BTBD9: variants seen among roughly 807,000 people sequenced by gnomAD.
The protein encoded by BTBD9 is BTB domain containing 9, also known as BTB/POZ domain-containing protein 9.
Under a neutral mutation model 64.3 loss-of-function variants are expected in BTBD9, and 49 were observed. The ratio of observed to expected loss-of-function variants is 0.76; its 90% CI spans 0.61 to 0.97. The LOEUF (loss-of-function observed/expected upper bound fraction) is 0.97. Among genes scored for constraint, BTBD9 ranks in the 50% least tolerant of loss-of-function variants. The probability of loss-of-function intolerance (pLI) is 0.00; values close to 1 mark genes in which losing one functional copy is unlikely to be tolerated. For missense variants in BTBD9, 598 were observed against 762.1 expected (o/e 0.78, Z 2.53); for synonymous variants, 260 against 274.7 (o/e 0.95, Z 0.53).
At chr6:38,509,910 A>C (rs777847389) in intron 6 of BTBD9, among the ~76,000 whole-genome samples, 5 of 152,228 alleles carry the variant, frequency 3.3e-5, no homozygotes, top group Non-Finnish European at 7.3e-5. Flanking sequence ...ATATTTATCA[A>C]GTGTCTAAAG....
intron 6 of BTBD9, among the ~76,000 whole-genome samples, chr6:38,526,630 G>A (rs1773509745): frequency 6.6e-6 from 1 of 152,260 alleles, no homozygotes; most frequent in African/African-American, 2.4e-5. Context: ...GACTGTGGGA[G>A]TGCACCCCTT....
intron 6 of BTBD9, among the ~76,000 whole-genome samples, chr6:38,451,668 G>A (rs553956903): frequency 6.6e-6 from 1 of 152,260 alleles, no homozygotes; most frequent in African/African-American, 2.4e-5. Context: ...CAAGTGCCAT[G>A]TTTACTACTG....
chr6:38,547,968 T>C (rs1582614887), intron 6 of BTBD9, among the ~76,000 whole-genome samples: 1 of 152,208 alleles, frequency 6.6e-6, no homozygotes, highest in African/African-American at 2.4e-5. Flanking sequence ...TTCTTTTCCA[T>C]TGTGAAAATT....
intron 9 of BTBD9, among the ~76,000 whole-genome samples, chr6:38,199,197 T>C (rs958542387): frequency 6.6e-6 from 1 of 152,132 alleles, no homozygotes; most frequent in Non-Finnish European, 1.5e-5. Flanking sequence ...TAGAATCCTG[T>C]AGCAGCTGAG....
intron 9 of BTBD9, among the ~76,000 whole-genome samples, chr6:38,218,383 TA>T (rs944767186): frequency 9.2e-5 from 14 of 152,342 alleles, no homozygotes; most frequent in African/African-American, 3.4e-4. Context: ...GTTCCTGTTG[TA>T]ACCTTTCCAA....
intron 6 of BTBD9, among the ~76,000 whole-genome samples, chr6:38,433,577 T>G (rs1768552624): frequency 6.6e-6 from 1 of 151,762 alleles, no homozygotes; most frequent in African/African-American, 2.4e-5. Flanking sequence ...GACTGTAATT[T>G]TCCACTACCC....
Position 38,174,798 on chromosome 6 carries a change from G to A in BTBD9, c.*187C>T. The A allele has an allele frequency of 1.5e-6, 1 of 668,956 alleles. No individual in the cohort carries two copies. The highest frequency in any genetic ancestry group is 2.5e-6 in the Non-Finnish European group (1 of 398,596). The allele number at this position is 668,956 out of a possible 1,614,324, so 41.4% of individuals were successfully genotyped here. On this transcript the variant is annotated 3_prime_UTR_variant, in exon 11 of 11. Coordinates refer to ENST00000481247, the MANE Select transcript of BTBD9 (RefSeq NM_001099272.2). The stretch of plus-strand genomic sequence containing the variant: ...GACCTGCCTGATTTGGATAAATTGA[G>A]AAGAACAAAGCAGCCCCTTTCTGTC...
At chr6:38,420,472 C>T (rs1438177719) in intron 6 of BTBD9, among the ~76,000 whole-genome samples, 2 of 152,152 alleles carry the variant, frequency 1.3e-5, no homozygotes, top group East Asian at 1.9e-4. Context: ...AATCCATATC[C>T]AACAGTAGGA....
At chr6:38,401,066 T>C (rs9470870) in intron 6 of BTBD9, among the ~76,000 whole-genome samples, 7,214 of 152,230 alleles carry the variant, frequency 0.047, 551 homozygotes, top group African/African-American at 0.16. Context: ...TGTATCACAA[T>C]TGGTATTTGA....
intron 6 of BTBD9, among the ~76,000 whole-genome samples, chr6:38,405,651 C>T (rs945716037): frequency 2.0e-5 from 3 of 151,382 alleles, no homozygotes; most frequent in African/African-American, 7.3e-5. Flanking sequence ...ATTCTCAGTG[C>T]AAATGATATA....
intron 6 of BTBD9, among the ~76,000 whole-genome samples, chr6:38,357,026 C>A (rs532325324): frequency 1.6e-4 from 24 of 152,244 alleles, no homozygotes; most frequent in African/African-American, 5.5e-4. Flanking sequence ...TATGGTATGA[C>A]CTTTCTCAAT....
At chr6:38,294,218 T>C (rs1042982467) in intron 7 of BTBD9, among the ~76,000 whole-genome samples, 24 of 152,184 alleles carry the variant, frequency 1.6e-4, no homozygotes, top group Admixed American at 1.3e-3. Context: ...ACACTGTTGG[T>C]GGGACTGTAA....
At chr6:38,443,488 T>C (rs888728047) in intron 6 of BTBD9, among the ~76,000 whole-genome samples, 3 of 152,188 alleles carry the variant, frequency 2.0e-5, no homozygotes, top group African/African-American at 7.2e-5. Flanking sequence ...TATTTCCCAA[T>C]TTCCCACTAT....
intron 9 of BTBD9, among the ~76,000 whole-genome samples, chr6:38,221,015 G>T (rs1359786819): frequency 5.9e-5 from 9 of 152,164 alleles, no homozygotes; most frequent in Non-Finnish European, 1.3e-4. Context: ...CTCAACCAGG[G>T]TTACGAGCAG....
At chr6:38,589,025 T>C (rs1776675247) in intron 4 of BTBD9, among the ~76,000 whole-genome samples, 1 of 152,208 alleles carries the variant, frequency 6.6e-6, no homozygotes, top group African/African-American at 2.4e-5. Flanking sequence ...ATTTTATTAT[T>C]CACATGCTTT....
At chr6:38,306,627 C>A (rs903070108) in intron 7 of BTBD9, among the ~76,000 whole-genome samples, 1 of 152,150 alleles carries the variant, frequency 6.6e-6, no homozygotes, top group African/African-American at 2.4e-5. Flanking sequence ...CCAGGGGTGG[C>A]CAACGACTTG....
rs189503253 is a variant in BTBD9, at chr6:38,239,522, A to G, written c.1562+16887T>C. On this transcript the variant is annotated intron_variant, in intron 9 of 10. Coordinates refer to ENST00000481247, the MANE Select transcript of BTBD9 (RefSeq NM_001099272.2). ...TGAGACATGGCAGTTTTATCACCCA[A>G]GCTACTGGGCTAAGCTTCAGGATAC... 2.1e-3 allele frequency among the ~76,000 whole-genome samples: 316 copies of G among 152,172 alleles called. 3 individuals are homozygous for G. The highest frequency in any genetic ancestry group is 3.1e-3 in the Non-Finnish European group (210 of 68,012).
intron 6 of BTBD9, among the ~76,000 whole-genome samples, chr6:38,488,158 T>C (rs1250980970): frequency 3.9e-5 from 6 of 152,020 alleles, no homozygotes; most frequent in Admixed American, 3.9e-4. Flanking sequence ...TGTCTTGCTG[T>C]GTTGCTGGTC....
chr6:38,361,821 C>G (rs756073802), intron 6 of BTBD9, among the ~76,000 whole-genome samples: 17 of 146,320 alleles, frequency 1.2e-4, no homozygotes, highest in Non-Finnish European at 2.4e-4. Context: ...GCCTGGGCAA[C>G]AAGAGTGAAA....
Sources: allele counts gnomAD v4.1 joint callset (sites outside exome capture counted in the v4.1 genomes callset), GRCh38; gene constraint gnomAD v4.1.1; transcripts MANE v1.5; gene names NCBI Gene and HGNC (gene_info 2026-07-23, HGNC 2026-07-21).